The following MS4A13 variants were observed in gnomAD, a reference collection of about 807,000 sequenced individuals.
MS4A13 encodes the protein membrane spanning 4-domains A13, also known as membrane-spanning 4-domains subfamily A member 13.
In MS4A13, 21 loss-of-function variants were observed where a neutral mutation model predicts 18.4. That is an observed-to-expected ratio of 1.14 (90% CI 0.81 to 1.64). The LOEUF (loss-of-function observed/expected upper bound fraction) is 1.64, where lower values mean the gene tolerates loss of function less well. Among genes scored for constraint, MS4A13 ranks in the 40% most tolerant of loss-of-function variants. MS4A13 has a pLI of 0.00. For synonymous variants in MS4A13, 62 were observed against 57.2 expected, an observed-to-expected ratio of 1.08 and a Z score of -0.38; for missense variants, 173 against 176.8, an observed-to-expected ratio of 0.98 and a Z score of 0.12.
At chr11:60,530,755 G>C (rs1270174922) in intron 6 of MS4A13, among the ~76,000 whole-genome samples, 1 of 152,190 alleles carries the variant, frequency 6.6e-6, no homozygotes, top group Non-Finnish European at 1.5e-5. Flanking sequence ...CCCAGGTTTT[G>C]AGGGAGGAAC....
chr11:60,531,989 T>C (rs554288119), intron 6 of MS4A13, among the ~76,000 whole-genome samples: 27 of 152,288 alleles, frequency 1.8e-4, no homozygotes, highest in African/African-American at 6.5e-4. Flanking sequence ...GAATCTAAAA[T>C]TGCTACCATA....
At position 60,529,353 on chromosome 11, in the gene MS4A13, T is replaced by G; in HGVS notation, c.307-12T>G. ...AATAGCATTAAGATTTCTCCCTGTT[T>G]TTTGGTTATAGAAACTTGGGAGGGA... On this transcript the variant is annotated splice_polypyrimidine_tract_variant and intron_variant, in intron 5 of 6. Coordinates refer to ENST00000378186, the MANE Select transcript of MS4A13 (RefSeq NM_001012417.3). 1 of 1,557,310 alleles carries G rather than the reference T, an allele frequency of 6.4e-7. No individual in the cohort carries two copies. Among genetic ancestry groups the G allele is most frequent in the Non-Finnish European group, 8.8e-7 (1 of 1,135,492 alleles).
intron 6 of MS4A13, among the ~76,000 whole-genome samples, chr11:60,537,986 A>T (rs1305660281): frequency 8.1e-6 from 1 of 123,558 alleles, no homozygotes; most frequent in African/African-American, 3.2e-5. Context: ...ATGAGATCAC[A>T]TGGACACAGG....
Position 60,531,346 on chromosome 11 carries a change from G to C in MS4A13, c.402+1886G>C, listed in dbSNP as rs143525708. Among the ~76,000 whole-genome samples, 618 of 152,286 alleles carry C rather than the reference G, an allele frequency of 4.1e-3. 3 individuals are homozygous for C. Among genetic ancestry groups the C allele is most frequent in the Middle Eastern group, 0.017 (5 of 294 alleles). On this transcript the variant is annotated intron_variant, in intron 6 of 6. Transcript: ENST00000378186. ...ACAGAGAAATTTGAAGAACAGGACA[G>C]CCACAGTGGACCTTGATAACTTCCT...
chr11:60,518,442 A>G (rs1454593127), intron 3 of MS4A13, among the ~76,000 whole-genome samples: 1 of 152,216 alleles, frequency 6.6e-6, no homozygotes, highest in East Asian at 1.9e-4. Context: ...ACACAATGAC[A>G]ACCATAGGGC....
chr11:60,522,246 A>G (rs79535576), intron 3 of MS4A13, among the ~76,000 whole-genome samples: 22 of 143,704 alleles, frequency 1.5e-4, no homozygotes, highest in Non-Finnish European at 2.7e-4. Flanking sequence ...ATAGATGTAT[A>G]TATATAGATA....
At chr11:60,522,520 A>G (rs1160666067) in intron 3 of MS4A13, among the ~76,000 whole-genome samples, 1 of 152,134 alleles carries the variant, frequency 6.6e-6, no homozygotes, top group Non-Finnish European at 1.5e-5. Flanking sequence ...AACAGATGGA[A>G]TGAGGGCTGT....
chr11:60,532,873 C>T (rs1225996457), intron 6 of MS4A13, among the ~76,000 whole-genome samples: 1 of 65,362 alleles, frequency 1.5e-5, no homozygotes, highest in Non-Finnish European at 3.2e-5. Flanking sequence ...CCCTGACCCC[C>T]GAGCAGCCTA....
intron 4 of MS4A13, among the ~76,000 whole-genome samples, chr11:60,524,349 T>C (rs1354801448): frequency 6.6e-6 from 1 of 152,180 alleles, no homozygotes; most frequent in East Asian, 1.9e-4. Flanking sequence ...AGTACAGAAT[T>C]GGTCCAGATT....
chr11:60,526,246 C>T (rs141202451), intron 5 of MS4A13, among the ~76,000 whole-genome samples: 219 of 152,310 alleles, frequency 1.4e-3, no homozygotes, highest in African/African-American at 4.8e-3. Flanking sequence ...TGTAAACAAA[C>T]ATGGACCAGA....
rs932164106 is a variant in MS4A13 at position 60,519,603 on chromosome 11, G to A, written c.129+1391G>A. Among the ~76,000 whole-genome samples the A allele has an allele frequency of 6.4e-4, 97 of 152,268 alleles. 1 individual carries two copies. The highest frequency in any genetic ancestry group is 1.2e-3 in the Non-Finnish European group (82 of 68,018). On this transcript the variant is annotated intron_variant, in intron 3 of 6. Transcript: ENST00000378186. ...CACACAGCATTAAGGACATACTTGA[G>A]GTTTAGGAACAGGATATGAATATGG...
intron 6 of MS4A13, among the ~76,000 whole-genome samples, chr11:60,530,691 C>T (rs1335609352): frequency 3.3e-5 from 5 of 152,200 alleles, no homozygotes; most frequent in Non-Finnish European, 7.3e-5. Flanking sequence ...ACTCTTCCCA[C>T]CTGATATGGT....
At chr11:60,530,502 G>A (rs527490523) in intron 6 of MS4A13, among the ~76,000 whole-genome samples, 11 of 152,246 alleles carry the variant, frequency 7.2e-5, no homozygotes, top group Admixed American at 2.0e-4. Flanking sequence ...TTGAGGACAT[G>A]GTAACTCTCC....
intron 4 of MS4A13, 112 bp downstream of exon 4, chr11:60,524,065 A>G: frequency 1.6e-6 from 1 of 614,208 alleles, no homozygotes. Context: ...CTACCTGTAA[A>G]GTAAATGAAA....
intron 6 of MS4A13, among the ~76,000 whole-genome samples, chr11:60,539,341 T>A (rs2086837831): frequency 6.6e-6 from 1 of 150,774 alleles, no homozygotes. Flanking sequence ...AGAACTGAAA[T>A]GAAAAACCAC....
intron 3 of MS4A13, among the ~76,000 whole-genome samples, 155 bp from the exon 4 acceptor site, chr11:60,523,742 A>T (rs1590872681): frequency 6.6e-6 from 1 of 152,194 alleles, no homozygotes; most frequent in African/African-American, 2.4e-5. Flanking sequence ...TTACTACATG[A>T]TGTAAATTTG....
chr11:60,521,989 A>C (rs1023508079), intron 3 of MS4A13, among the ~76,000 whole-genome samples: 5 of 152,008 alleles, frequency 3.3e-5, no homozygotes, highest in African/African-American at 9.7e-5. Context: ...GCAGGCAAAG[A>C]GAGAGGGCTT....
intron 6 of MS4A13, among the ~76,000 whole-genome samples, chr11:60,532,352 T>A (rs2086775990): frequency 6.6e-6 from 1 of 152,110 alleles, no homozygotes; most frequent in Admixed American, 6.5e-5. Flanking sequence ...AGGCATTGCC[T>A]CACCTGGGAA....
chr11:60,538,584 A>AT (rs1283071413), intron 6 of MS4A13, among the ~76,000 whole-genome samples: 1 of 112,116 alleles, frequency 8.9e-6, no homozygotes, highest in Non-Finnish European at 2.0e-5. Flanking sequence ...AGAAATAAAA[A>AT]TAAAAAAAAA....
Sources: allele counts gnomAD v4.1 joint callset (sites outside exome capture counted in the v4.1 genomes callset), GRCh38; gene constraint gnomAD v4.1.1; transcripts MANE v1.5; gene names NCBI Gene and HGNC (gene_info 2026-07-23, HGNC 2026-07-21).